DPP6: variants seen among roughly 807,000 people sequenced by gnomAD.
DPP6 encodes the protein A-type potassium channel modulatory protein DPP6.
A neutral mutation model predicts 122.6 loss-of-function variants in DPP6; 69 were observed. That is an observed-to-expected ratio of 0.56 (90% CI 0.46 to 0.69). The LOEUF (loss-of-function observed/expected upper bound fraction) is 0.69. Among genes scored for constraint, DPP6 ranks in the 30% least tolerant of loss-of-function variants. The pLI, the probability that DPP6 is intolerant of heterozygous loss-of-function variation, is 0.00. For synonymous variants in DPP6, 418 were observed against 433.1 expected (o/e 0.97, Z 0.43); for missense variants, 928 against 1,116.9 (o/e 0.83, Z 2.41).
At chr7:154,030,702 A>G (rs985186780) in intron 1 of DPP6, among the ~76,000 whole-genome samples, 9 of 151,910 alleles carry the variant, frequency 5.9e-5, no homozygotes, top group African/African-American at 2.2e-4. Flanking sequence ...CTCTTGTGAT[A>G]CCTTTACCTG....
At chr7:154,123,522 A>G (rs937370937) in intron 1 of DPP6, among the ~76,000 whole-genome samples, 3 of 152,206 alleles carry the variant, frequency 2.0e-5, no homozygotes, top group East Asian at 1.9e-4. Flanking sequence ...ATCTAATTCT[A>G]TTCTTCCTTG....
At chr7:154,707,478 C>T (rs1840899052) in intron 7 of DPP6, among the ~76,000 whole-genome samples, 2 of 151,970 alleles carry the variant, frequency 1.3e-5, no homozygotes, top group African/African-American at 4.8e-5. Context: ...ATATGAAATA[C>T]TCACTCAGAA....
At chr7:154,381,159 G>A (rs768462352) in intron 1 of DPP6, among the ~76,000 whole-genome samples, 47 of 152,090 alleles carry the variant, frequency 3.1e-4, no homozygotes, top group Non-Finnish European at 5.3e-4. Context: ...GTGGGATCTC[G>A]TTGTACTTTC....
At chr7:154,450,855 C>T (rs149071661) in intron 2 of DPP6, among the ~76,000 whole-genome samples, 1,585 of 152,318 alleles carry the variant, frequency 0.01, 9 homozygotes, top group Non-Finnish European at 0.016. Flanking sequence ...TCCTCAGGGT[C>T]TGTGGAGCAT....
intron 1 of DPP6, among the ~76,000 whole-genome samples, chr7:153,900,966 T>C (rs1349003370): frequency 6.6e-6 from 1 of 152,200 alleles, no homozygotes; most frequent in Non-Finnish European, 1.5e-5. Context: ...TTTAGAGTTT[T>C]GTTATTAAGG....
chr7:153,911,343 C>T (rs1194489434), intron 1 of DPP6, among the ~76,000 whole-genome samples: 2 of 152,240 alleles, frequency 1.3e-5, no homozygotes, highest in East Asian at 3.9e-4. Context: ...TCGCTGTCCA[C>T]ACCCTTTCCT....
intron 5 of DPP6, among the ~76,000 whole-genome samples, chr7:154,574,288 C>T (rs1328459092): frequency 5.1e-5 from 5 of 98,976 alleles, no homozygotes; most frequent in Non-Finnish European, 9.9e-5. Context: ...GTGTGTGTGG[C>T]GTATGTGTGT....
chr7:154,151,896 CT>C (rs1340036194), intron 1 of DPP6, among the ~76,000 whole-genome samples: 1 of 151,808 alleles, frequency 6.6e-6, no homozygotes, highest in Non-Finnish European at 1.5e-5. Flanking sequence ...TTTAAAGAGG[CT>C]TTTCCATCAC....
intron 5 of DPP6, among the ~76,000 whole-genome samples, chr7:154,593,556 G>GA (rs1056266119): frequency 3.9e-5 from 6 of 152,282 alleles, no homozygotes; most frequent in African/African-American, 1.4e-4. Context: ...CACATTAAAA[G>GA]AAAAAATCCT....
intron 5 of DPP6, among the ~76,000 whole-genome samples, chr7:154,598,763 C>G (rs77962259): frequency 0.014 from 2,127 of 152,302 alleles, 51 homozygotes; most frequent in African/African-American, 0.048. Flanking sequence ...CCACAGGCAT[C>G]TTGAAGTGTG....
At chr7:154,614,010 G>A (rs1466428668) in intron 5 of DPP6, among the ~76,000 whole-genome samples, 1 of 152,140 alleles carries the variant, frequency 6.6e-6, no homozygotes, top group East Asian at 1.9e-4. Flanking sequence ...TTTTAACATG[G>A]CCTCTTGAGA....
intron 1 of DPP6, among the ~76,000 whole-genome samples, chr7:154,198,860 G>C (rs1171114122): frequency 6.6e-6 from 1 of 152,148 alleles, no homozygotes; most frequent in Admixed American, 6.5e-5. Context: ...AGGGTGGGTT[G>C]AGTTGGTAAA....
intron 17 of DPP6, among the ~76,000 whole-genome samples, chr7:154,861,066 T>G (rs544864392): frequency 6.6e-6 from 1 of 152,322 alleles, no homozygotes; most frequent in East Asian, 1.9e-4. Flanking sequence ...CATGGCTGCA[T>G]CAGGCAAGTT....
chr7:154,260,333 T>TG (rs977246046), intron 1 of DPP6, among the ~76,000 whole-genome samples: 1 of 152,130 alleles, frequency 6.6e-6, no homozygotes, highest in Admixed American at 6.6e-5. Flanking sequence ...GAACAGGTAG[T>TG]GGTTGGTTAC....
chr7:154,807,247 C>T lies in DPP6; in HGVS notation c.1666+135C>T, dbSNP rs1299368789. On this transcript the variant is annotated intron_variant, in intron 16 of 25. Coordinates refer to ENST00000377770, the MANE Select transcript of DPP6 (RefSeq NM_130797.4). ...TATTCCAGAACAGGTGAGGATCCCGCCTACCTGATAACATTGCTTATGGTG... is the reference window on the plus strand; with the variant it reads ...TATTCCAGAACAGGTGAGGATCCCGTCTACCTGATAACATTGCTTATGGTG... 6.1e-6 allele frequency: 8 copies of T among 1,305,086 alleles called. No individual in the cohort carries two copies. In the Admixed American group the frequency reaches 1.3e-4, roughly 21 times the overall value. The allele number at this position is 1,305,086 out of a possible 1,614,324, so 80.8% of individuals were successfully genotyped here. A position where few individuals can be genotyped will look rare whatever the true frequency, so the allele number is the denominator to read the frequency against.
intron 1 of DPP6, among the ~76,000 whole-genome samples, chr7:153,887,953 C>T (rs1429626636): frequency 6.6e-6 from 1 of 152,180 alleles, no homozygotes; most frequent in Non-Finnish European, 1.5e-5. Context: ...CTTTGCGGCT[C>T]CGCGGCCCCT....
chr7:154,646,231 A>G (rs965246033), intron 6 of DPP6, among the ~76,000 whole-genome samples: 13 of 152,084 alleles, frequency 8.5e-5, no homozygotes, highest in African/African-American at 2.4e-4. Context: ...GACTAAAACC[A>G]TGCCCAGGCT....
chr7:154,195,625 A>C (rs1340523647), intron 1 of DPP6, among the ~76,000 whole-genome samples: 1 of 152,220 alleles, frequency 6.6e-6, no homozygotes, highest in African/African-American at 2.4e-5. Flanking sequence ...TAGACACCTG[A>C]GGAGGGACCA....
intron 1 of DPP6, among the ~76,000 whole-genome samples, chr7:154,400,698 T>A (rs1815498005): frequency 6.6e-6 from 1 of 152,210 alleles, no homozygotes; most frequent in Non-Finnish European, 1.5e-5. Context: ...AATACACCTT[T>A]GGAGATAGAT....
Sources: gnomAD v4.1 joint callset for allele counts (sites outside exome capture counted in the v4.1 genomes callset) on GRCh38, gnomAD v4.1.1 for gene constraint, MANE v1.5 for transcripts, NCBI Gene and HGNC (gene_info 2026-07-23, HGNC 2026-07-21) for gene names.